The following FANK1 variants were observed in gnomAD, a reference collection of about 807,000 sequenced individuals.
FANK1 encodes fibronectin type 3 and ankyrin repeat domains protein 1.
Under a neutral mutation model 45.3 loss-of-function variants are expected in FANK1, and 44 were observed. That is an observed-to-expected ratio of 0.97 (90% CI 0.76 to 1.25). The LOEUF (loss-of-function observed/expected upper bound fraction) is 1.25, where lower values mean the gene tolerates loss of function less well. Ranked by LOEUF, FANK1 falls within the 50% of genes most tolerant of loss-of-function variation. FANK1 has a pLI of 0.00. For synonymous variants in FANK1, 149 were observed against 152.5 expected (o/e 0.98, Z 0.17); for missense variants, 391 against 424.4 (o/e 0.92, Z 0.69).
chr10:125,919,292 G>A (rs74601009), intron 1 of FANK1, among the ~76,000 whole-genome samples: 11 of 130,518 alleles, frequency 8.4e-5, no homozygotes, highest in Middle Eastern at 8.1e-3. Context: ...TGCAACCTCC[G>A]CTTCCCGGTT....
intron 1 of FANK1, among the ~76,000 whole-genome samples, chr10:125,911,835 G>GT (rs1450099591): frequency 1.3e-5 from 2 of 150,684 alleles, no homozygotes; most frequent in African/African-American, 4.9e-5. Context: ...CCTTATTTCT[G>GT]TTTTTTTCTC....
rs73368699 is a variant in FANK1, at chr10:125,980,363, C to A, written c.191+25C>A. The A allele has an allele frequency of 9.5e-4, 1,520 of 1,593,898 alleles. 21 individuals carry two copies. The African/African-American group carries it at 0.019, about 20-fold the overall frequency. ...CGTAGGTGCAGTGTTGAATTGCTTG[C>A]CACTTTGCCTTACTTCCTGATTAGC... On this transcript the variant is annotated intron_variant, in intron 2 of 10. Coordinates refer to ENST00000368693, the MANE Select transcript of FANK1 (RefSeq NM_145235.5).
intron 1 of FANK1, among the ~76,000 whole-genome samples, chr10:125,936,703 T>C (rs1285592483): frequency 6.6e-6 from 1 of 152,224 alleles, no homozygotes; most frequent in Non-Finnish European, 1.5e-5. Context: ...GCTGTTCCAT[T>C]AATATAGCAC....
intron 1 of FANK1, among the ~76,000 whole-genome samples, chr10:125,943,223 A>G (rs1251616568): frequency 2.0e-5 from 3 of 152,108 alleles, no homozygotes. Context: ...AACTCTTCAT[A>G]TGTCTAAATC....
chr10:125,962,987 G>GTT (rs66624013), intron 1 of FANK1, among the ~76,000 whole-genome samples: 2,284 of 140,720 alleles, frequency 0.016, 29 homozygotes, highest in South Asian at 0.032. Context: ...TATTACTGTG[G>GTT]TTTTTTTTTT....
At chr10:125,989,553 G>A in intron 3 of FANK1, 2 of 722,590 alleles carry the variant, frequency 2.8e-6, no homozygotes, top group Non-Finnish European at 5.1e-6. Flanking sequence ...CAGCTTTTGA[G>A]CTGTGGTACC....
Position 126,009,260 on chromosome 10 carries a change from CAG to C in FANK1, c.968_969del (p.Arg323ThrfsTer40). On this transcript the variant is annotated frameshift_variant, in exon 10 of 11. Transcript: ENST00000368693. LOFTEE classifies it high-confidence loss of function. Reference sequence around the variant, plus strand: ...TCCTAGAAATGGCCAGAGTTTTTGACAGACAGGTTGGGATGCTCTTTCTGCCT... The same window carrying C: ...TCCTAGAAATGGCCAGAGTTTTTGACACAGGTTGGGATGCTCTTTCTGCCT... Reference protein sequence around the residue: ...GVLEMARVFDRQSVVSLLEER... With the variant: ...GVLEMARVFDXQSVVSLLEER... 2 of 1,614,122 alleles carry C rather than the reference CAG, an allele frequency of 1.2e-6. No individual in the cohort carries two copies. Among genetic ancestry groups the C allele is most frequent in the Non-Finnish European group, 1.7e-6 (2 of 1,180,014 alleles).
Position 125,913,434 on chromosome 10 carries a change from A to G in FANK1, c.13+16779A>G, listed in dbSNP as rs143869551. On this transcript the variant is annotated intron_variant, in intron 1 of 10. Transcript: ENST00000368693. ...GTTTATGAAACAGACAGCTGTCGTG[A>G]GTCCTGGCGCTCAGCTTCATTCACT... Among the ~76,000 whole-genome samples, 1,085 of 152,282 alleles carry G rather than the reference A, an allele frequency of 7.1e-3. 12 individuals are homozygous for G. The highest frequency in any genetic ancestry group is 0.025 in the African/African-American group (1,022 of 41,562).
intron 1 of FANK1, among the ~76,000 whole-genome samples, chr10:125,913,399 A>G (rs985601856): frequency 1.2e-4 from 18 of 152,170 alleles, no homozygotes; most frequent in African/African-American, 4.3e-4. Context: ...AAAAGGAGGA[A>G]GGAGGGCGTG....
chr10:125,992,242 G>T (rs976480360), intron 3 of FANK1, among the ~76,000 whole-genome samples: 3 of 152,180 alleles, frequency 2.0e-5, no homozygotes, highest in African/African-American at 7.2e-5. Context: ...GGAGTAGAAA[G>T]AATTGCTGTG....
intron 2 of FANK1, among the ~76,000 whole-genome samples, chr10:125,981,657 CTT>C (rs1170708332): frequency 1.3e-5 from 2 of 152,010 alleles, no homozygotes; most frequent in African/African-American, 4.8e-5. Context: ...TTTAGTGAAA[CTT>C]TTAATTTTGA....
At chr10:125,909,409 T>TC (rs1199599087) in intron 1 of FANK1, among the ~76,000 whole-genome samples, 1 of 152,222 alleles carries the variant, frequency 6.6e-6, no homozygotes, top group Admixed American at 6.5e-5. Flanking sequence ...TGTTTTTTTT[T>TC]CATTGATTTC....
intron 1 of FANK1, among the ~76,000 whole-genome samples, chr10:125,952,620 G>A (rs1380305828): frequency 1.3e-5 from 2 of 151,918 alleles, no homozygotes; most frequent in Non-Finnish European, 2.9e-5. Flanking sequence ...CAGCAGCTCA[G>A]GTGTCATCTG....
At chr10:126,006,124 C>T (rs530373073) in intron 7 of FANK1, among the ~76,000 whole-genome samples, 23 of 152,258 alleles carry the variant, frequency 1.5e-4, no homozygotes, top group African/African-American at 5.3e-4. Context: ...TCTGTGACTG[C>T]CAGATGGTGT....
intron 1 of FANK1, among the ~76,000 whole-genome samples, chr10:125,899,269 C>A (rs573687846): frequency 6.6e-6 from 1 of 152,268 alleles, no homozygotes; most frequent in Admixed American, 6.5e-5. Flanking sequence ...CATGTTGGTC[C>A]GGCTGGTCTT....
At chr10:125,992,022 T>C (rs1951981423) in intron 3 of FANK1, among the ~76,000 whole-genome samples, 1 of 152,104 alleles carries the variant, frequency 6.6e-6, no homozygotes. Context: ...CAGAATCAGT[T>C]TGATAATTGT....
chr10:125,976,732 C>T (rs183118338), intron 1 of FANK1, among the ~76,000 whole-genome samples: 32 of 152,202 alleles, frequency 2.1e-4, no homozygotes, highest in African/African-American at 7.0e-4. Flanking sequence ...AAGCGATTCT[C>T]CTACCTCAGC....
intron 1 of FANK1, among the ~76,000 whole-genome samples, chr10:125,897,334 C>G (rs8181468): frequency 1.2e-4 from 18 of 148,954 alleles, no homozygotes; most frequent in African/African-American, 3.5e-4. Flanking sequence ...CTCTAACTTA[C>G]TATTTTTGTT....
At chr10:125,963,757 G>A (rs76339414) in intron 1 of FANK1, among the ~76,000 whole-genome samples, 4 of 151,804 alleles carry the variant, frequency 2.6e-5, no homozygotes, top group African/African-American at 9.7e-5. Context: ...GTGTGGGTAG[G>A]GGGGAGGGAT....
Sources: allele counts gnomAD v4.1 joint callset (sites outside exome capture counted in the v4.1 genomes callset), GRCh38; gene constraint gnomAD v4.1.1; transcripts MANE v1.5; gene names NCBI Gene and HGNC (gene_info 2026-07-23, HGNC 2026-07-21).